The following DSCAML1 variants were observed in gnomAD, a reference collection of about 807,000 sequenced individuals.
DSCAML1 encodes the protein cell adhesion molecule DSCAML1.
DSCAML1 carries 38 observed loss-of-function variants against 200.5 expected under a neutral mutation model. That is an observed-to-expected ratio of 0.19 (90% CI 0.15 to 0.25). DSCAML1 has a LOEUF of 0.25. Ranked by LOEUF, DSCAML1 falls within the 10% of genes least tolerant of loss-of-function variation. The probability of loss-of-function intolerance (pLI) is 1.00; values close to 1 mark genes in which losing one functional copy is unlikely to be tolerated. For missense variants in DSCAML1, 2,223 were observed against 2,858.8 expected, an observed-to-expected ratio of 0.78 and a Z score of 5.07; for synonymous variants, 1,215 against 1,165.0, an observed-to-expected ratio of 1.04 and a Z score of -0.87.
At chr11:117,621,644 AT>A (rs974575221) in intron 3 of DSCAML1, among the ~76,000 whole-genome samples, 1 of 152,126 alleles carries the variant, frequency 6.6e-6, no homozygotes, top group Non-Finnish European at 1.5e-5. Context: ...GGCTATATAT[AT>A]TTTTTTGGGG....
intron 3 of DSCAML1, among the ~76,000 whole-genome samples, chr11:117,775,977 G>T (rs11824545): frequency 0.089 from 13,493 of 152,200 alleles, 710 homozygotes; most frequent in African/African-American, 0.14. Flanking sequence ...CAAAGGTCCT[G>T]GGTAGAGAAA....
intron 3 of DSCAML1, among the ~76,000 whole-genome samples, chr11:117,620,819 G>T (rs569658744): frequency 2.0e-5 from 3 of 152,330 alleles, no homozygotes; most frequent in Admixed American, 6.5e-5. Flanking sequence ...GTGACCTTGG[G>T]CAAGTTACTA....
rs148629210 is a variant in DSCAML1 at position 117,708,130 on chromosome 11, T to C, written c.511+68661A>G. On this transcript the variant is annotated intron_variant, in intron 3 of 32. Transcript: ENST00000651296. ...TACTTCCTGTACCCCCCACACACCA[T>C]AGGACAGTATGACCCTCTGTCTTCT... 5.6e-3 allele frequency among the ~76,000 whole-genome samples: 855 copies of C among 152,264 alleles called. 8 individuals carry two copies. The highest frequency in any genetic ancestry group is 0.027 in the South Asian group (130 of 4,824).
chr11:117,567,568 A>C (rs1378678764), intron 3 of DSCAML1, among the ~76,000 whole-genome samples: 1 of 152,210 alleles, frequency 6.6e-6, no homozygotes, highest in Non-Finnish European at 1.5e-5. Context: ...TGCTGTGCAG[A>C]AGCTCTTTAG....
At chr11:117,783,416 T>C (rs114597522) in intron 1 of DSCAML1, among the ~76,000 whole-genome samples, 2,527 of 152,254 alleles carry the variant, frequency 0.017, 66 homozygotes, top group African/African-American at 0.056. Flanking sequence ...CAAGGCTAAG[T>C]ATGATGTAGC....
intron 18 of DSCAML1, among the ~76,000 whole-genome samples, chr11:117,459,564 T>C (rs2048440222): frequency 6.6e-6 from 1 of 152,182 alleles, no homozygotes; most frequent in South Asian, 2.1e-4. Context: ...GCCGATAGCC[T>C]TAGCCAGGAA....
At chr11:117,450,733 C>G in intron 19 of DSCAML1, 45 bp from the exon 20 acceptor site, 1 of 1,594,186 alleles carries the variant, frequency 6.3e-7, no homozygotes, top group Non-Finnish European at 8.5e-7. Flanking sequence ...AGCAGGAGCA[C>G]AGCCTTTGGG....
intron 11 of DSCAML1, among the ~76,000 whole-genome samples, chr11:117,500,752 C>T (rs966446081): frequency 6.6e-6 from 1 of 152,196 alleles, no homozygotes; most frequent in Non-Finnish European, 1.5e-5. Context: ...TATAGACACT[C>T]CCCATTAGAA....
In DSCAML1 at chr11:117,436,346, T is replaced by C. The variant is rs146577870; in HGVS notation, c.4721-547A>G. 3.0e-3 allele frequency among the ~76,000 whole-genome samples: 456 copies of C among 152,328 alleles called. 3 individuals carry two copies. The highest frequency in any genetic ancestry group is 0.01 in the African/African-American group (428 of 41,582). ...GCTGACATAACCCTCTGCCAAGCCC[T>C]GACCCTTGCCTGTTTCAGAGCTTTG... On this transcript the variant is annotated intron_variant, in intron 26 of 32. Coordinates refer to ENST00000651296, the MANE Select transcript of DSCAML1 (RefSeq NM_020693.4).
At chr11:117,649,040 T>C (rs2052575250) in intron 3 of DSCAML1, among the ~76,000 whole-genome samples, 1 of 133,310 alleles carries the variant, frequency 7.5e-6, no homozygotes, top group South Asian at 2.4e-4. Flanking sequence ...TCTCCATATA[T>C]ATGTGTGTGT....
intron 3 of DSCAML1, among the ~76,000 whole-genome samples, chr11:117,562,266 C>A (rs1451237006): frequency 6.6e-6 from 1 of 152,122 alleles, no homozygotes; most frequent in African/African-American, 2.4e-5. Context: ...CCCAAGGGAG[C>A]CCCCCAAGCC....
intron 3 of DSCAML1, among the ~76,000 whole-genome samples, chr11:117,630,333 C>T (rs2137570237): frequency 1.3e-5 from 2 of 152,314 alleles, no homozygotes; most frequent in South Asian, 4.1e-4. Context: ...CTGCTTGCTG[C>T]TAGTGGGCCC....
chr11:117,723,767 G>A (rs138570420), intron 3 of DSCAML1, among the ~76,000 whole-genome samples: 1,979 of 152,264 alleles, frequency 0.013, 32 homozygotes, highest in Non-Finnish European at 0.02. Flanking sequence ...CAGTTCCCCA[G>A]AGAGATCGCT....
chr11:117,502,672 T>A (rs2049418180), intron 11 of DSCAML1, among the ~76,000 whole-genome samples: 1 of 152,140 alleles, frequency 6.6e-6, no homozygotes. Context: ...CACACGGGGC[T>A]ATGCTATCAG....
chr11:117,806,839 G>A (rs1044493886), intron 1 of DSCAML1, among the ~76,000 whole-genome samples: 2 of 152,202 alleles, frequency 1.3e-5, no homozygotes, highest in African/African-American at 2.4e-5. Context: ...ACAGTATAAC[G>A]AATTATTATG....
rs145162281 is a variant in DSCAML1, at chr11:117,431,738, C to T, written c.5180-10G>A. The T allele has an allele frequency of 1.4e-3, 2,065 of 1,520,246 alleles. 34 individuals are homozygous for T. The African/African-American group carries it at 0.026, about 19-fold the overall frequency. The allele number at this position is 1,520,246 out of a possible 1,614,324, so 94.2% of individuals were successfully genotyped here. On this transcript the variant is annotated splice_polypyrimidine_tract_variant and intron_variant, in intron 30 of 32. Transcript: ENST00000651296. Reference sequence around the variant, plus strand: ...TTCCTGGACACTGGATCTGCACAGACAGAAGCAAGAAATTGCATCCTCCAA... The same window carrying T: ...TTCCTGGACACTGGATCTGCACAGATAGAAGCAAGAAATTGCATCCTCCAA...
At chr11:117,511,844 A>G (rs551669918) in intron 8 of DSCAML1, among the ~76,000 whole-genome samples, 1 of 152,372 alleles carries the variant, frequency 6.6e-6, no homozygotes, top group African/African-American at 2.4e-5. Context: ...TGTGTGCTCA[A>G]GTGTGAATGG....
At position 117,738,606 on chromosome 11, in the gene DSCAML1, A is replaced by G. The variant is rs140292279; in HGVS notation, c.511+38185T>C. ...AACATGGATGACTGGACTCATGCCC[A>G]TTCCACTGGGTCTCCAGGCTCAAAG... On this transcript the variant is annotated intron_variant, in intron 3 of 32. Transcript: ENST00000651296. Among the ~76,000 whole-genome samples, 485 of 152,260 alleles carry G rather than the reference A, an allele frequency of 3.2e-3. 3 individuals carry two copies. Among genetic ancestry groups the G allele is most frequent in the African/African-American group, 9.7e-3 (403 of 41,550 alleles).
intron 3 of DSCAML1, among the ~76,000 whole-genome samples, chr11:117,714,678 G>A (rs1284988333): frequency 1.3e-5 from 2 of 151,976 alleles, no homozygotes; most frequent in Non-Finnish European, 2.9e-5. Context: ...TTAGCTGGGC[G>A]TGGTGGTGGA....
Sources: gnomAD v4.1 joint callset for allele counts (sites outside exome capture counted in the v4.1 genomes callset) on GRCh38, gnomAD v4.1.1 for gene constraint, MANE v1.5 for transcripts, NCBI Gene and HGNC (gene_info 2026-07-23, HGNC 2026-07-21) for gene names.